Variants in ATG7 observed in about 807,000 individuals in gnomAD.
The protein encoded by ATG7 is autophagy related 7, also known as ubiquitin-like modifier-activating enzyme ATG7.
A neutral mutation model predicts 82.4 loss-of-function variants in ATG7; 70 were observed. The observed-to-expected ratio is 0.85, with a 90% CI of 0.70 to 1.04. The LOEUF is 1.04. Ranked by LOEUF, ATG7 falls within the 50% of genes least tolerant of loss-of-function variation. The pLI, the probability that ATG7 is intolerant of heterozygous loss-of-function variation, is 0.00. For missense variants in ATG7, 792 were observed against 864.3 expected, an observed-to-expected ratio of 0.92 and a Z score of 1.05; for synonymous variants, 287 against 313.0, an observed-to-expected ratio of 0.92 and a Z score of 0.88.
intron 7 of ATG7, among the ~76,000 whole-genome samples, chr3:11,309,293 A>G (rs1341088113): frequency 6.6e-6 from 1 of 152,226 alleles, no homozygotes; most frequent in African/African-American, 2.4e-5. Context: ...CATAGTTTAT[A>G]TAACACAGGG....
intron 20 of ATG7, among the ~76,000 whole-genome samples, chr3:11,511,416 T>C (rs1180976165): frequency 1.3e-5 from 2 of 152,242 alleles, no homozygotes; most frequent in African/African-American, 4.8e-5. Flanking sequence ...GAGTGTCGAC[T>C]GGTGCATTCA....
intron 1 of ATG7, among the ~76,000 whole-genome samples, chr3:11,274,191 G>T (rs1038768416): frequency 1.3e-5 from 2 of 152,122 alleles, no homozygotes; most frequent in African/African-American, 4.8e-5. Context: ...TTCCCAGCCA[G>T]CATCTCATTA....
intron 20 of ATG7, among the ~76,000 whole-genome samples, chr3:11,433,967 A>T (rs2083143357): frequency 6.6e-6 from 1 of 152,236 alleles, no homozygotes; most frequent in Non-Finnish European, 1.5e-5. Flanking sequence ...ATTGTGATTC[A>T]TTCACTATAG....
intron 20 of ATG7, among the ~76,000 whole-genome samples, chr3:11,515,662 A>G (rs551728253): frequency 2.0e-5 from 3 of 152,338 alleles, no homozygotes; most frequent in African/African-American, 7.2e-5. Context: ...GGCCACATGT[A>G]TACATTAAGC....
intron 20 of ATG7, among the ~76,000 whole-genome samples, chr3:11,474,003 C>T (rs548851562): frequency 1.3e-5 from 2 of 152,334 alleles, no homozygotes; most frequent in South Asian, 4.1e-4. Flanking sequence ...TCTGATTTGG[C>T]AAGACAGTGG....
intron 19 of ATG7, among the ~76,000 whole-genome samples, chr3:11,403,715 T>C (rs180865961): frequency 1.1e-4 from 17 of 152,290 alleles, no homozygotes; most frequent in African/African-American, 4.1e-4. Context: ...GCAAGGAATA[T>C]AAAAACCAAC....
intron 19 of ATG7, among the ~76,000 whole-genome samples, chr3:11,396,307 C>T (rs914117861): frequency 4.6e-5 from 7 of 151,848 alleles, no homozygotes; most frequent in African/African-American, 1.2e-4. Flanking sequence ...ATTAGCCAGA[C>T]GCATGCCTGT....
intron 19 of ATG7, among the ~76,000 whole-genome samples, chr3:11,383,003 T>G (rs571335234): frequency 6.6e-6 from 1 of 152,362 alleles, no homozygotes; most frequent in South Asian, 2.1e-4. Context: ...CCTTTAAAAC[T>G]GAATGCTTCA....
intron 12 of ATG7, 100 bp downstream of exon 12, chr3:11,340,835 G>A (rs1575566435): frequency 9.5e-7 from 1 of 1,054,938 alleles, no homozygotes; most frequent in Non-Finnish European, 1.4e-6. Flanking sequence ...TCAGCCCAGG[G>A]GGTGCCAGTC....
chr3:11,380,049 C>T lies in ATG7; in HGVS notation c.1953C>T (p.Ser651=), dbSNP rs150727567. ...TTGACAAATGTACAGCTTGTTCTTC[C>T]AAAGTAAGTCATTTTGTATTGGAGG... ...LAFDKCTACS[S]KVLDQYEREG... is the part of the protein sequence containing the mutation. Residue 651 remains serine, a synonymous_variant, in exon 19 of 21, where the codon TCC becomes TCT. Transcript: ENST00000693202. The T allele has an allele frequency of 5.6e-6, 9 of 1,613,234 alleles. No homozygotes were observed. The African/African-American group carries it at 6.7e-5, about 12-fold the overall frequency.
chr3:11,478,522 A>G (rs187967395), intron 20 of ATG7, among the ~76,000 whole-genome samples: 26 of 152,328 alleles, frequency 1.7e-4, no homozygotes, highest in African/African-American at 6.3e-4. Context: ...TCCAGAGAGC[A>G]CGTTTTTAGC....
intron 20 of ATG7, among the ~76,000 whole-genome samples, chr3:11,492,879 G>A (rs888036857): frequency 1.3e-5 from 2 of 152,322 alleles, no homozygotes; most frequent in East Asian, 3.9e-4. Flanking sequence ...GTGTCCAGGT[G>A]GGGGTGCCTG....
intron 5 of ATG7, among the ~76,000 whole-genome samples, chr3:11,301,349 G>A (rs1055409571): frequency 2.0e-5 from 3 of 152,150 alleles, no homozygotes; most frequent in African/African-American, 7.2e-5. Context: ...GTATCAAGAT[G>A]GGGAATTTTA....
At chr3:11,370,855 G>A (rs944753309) in intron 18 of ATG7, among the ~76,000 whole-genome samples, 1 of 147,302 alleles carries the variant, frequency 6.8e-6, no homozygotes, top group Non-Finnish European at 1.5e-5. Flanking sequence ...CGGGAGTTTT[G>A]TTTTTTTTTT....
intron 20 of ATG7, among the ~76,000 whole-genome samples, chr3:11,501,368 C>A (rs1301132945): frequency 5.9e-5 from 9 of 152,178 alleles, no homozygotes; most frequent in Non-Finnish European, 1.3e-4. Context: ...ATATAGAAAG[C>A]AGTTAGTAGA....
intron 20 of ATG7, among the ~76,000 whole-genome samples, chr3:11,527,188 T>C (rs1215976099): frequency 6.6e-6 from 1 of 151,890 alleles, no homozygotes; most frequent in African/African-American, 2.4e-5. Flanking sequence ...CACTGCAACC[T>C]CTGCCTCCCA....
chr3:11,390,391 CT>C lies in ATG7; in HGVS notation c.1956+10342del, dbSNP rs535210741. ...AGTTTCATTTAACAATATCTGCTGT[CT>C]TTGCCTAATCACTCACTAGTTGCTA... On this transcript the variant is annotated intron_variant, in intron 19 of 20. Coordinates refer to ENST00000693202, the MANE Select transcript of ATG7 (RefSeq NM_001349232.2). Among the ~76,000 whole-genome samples, 19 of 152,350 alleles carry C rather than the reference CT, an allele frequency of 1.2e-4. No individual in the cohort carries two copies. The East Asian group carries it at 3.5e-3, about 28-fold the overall frequency.
intron 4 of ATG7, 145 bp from the exon 5 acceptor site, chr3:11,299,217 A>T: frequency 1.4e-6 from 1 of 716,660 alleles, no homozygotes; most frequent in Non-Finnish European, 2.4e-6. Context: ...ATCCATACAT[A>T]TATTATCTAT....
rs533771401 is a variant in ATG7, at chr3:11,554,793, C to A, written c.2080-18C>A. ...GCAGTGGGACATCTCGGCTGAGCCT[C>A]TCCCCTTCTCCATGCAGATCTGGGA... On this transcript the variant is annotated intron_variant, in intron 20 of 20. Transcript: ENST00000693202. 8 of 1,613,116 alleles carry A rather than the reference C, an allele frequency of 5.0e-6. No individual in the cohort carries two copies. Among genetic ancestry groups the A allele is most frequent in the African/African-American group, 4.0e-5 (3 of 75,026 alleles).
Sources: allele counts gnomAD v4.1 joint callset (sites outside exome capture counted in the v4.1 genomes callset), GRCh38; gene constraint gnomAD v4.1.1; transcripts MANE v1.5; gene names NCBI Gene and HGNC (gene_info 2026-07-23, HGNC 2026-07-21).